Variants in FBXL7 observed in about 807,000 individuals in gnomAD.
FBXL7 encodes the protein F-box/LRR-repeat protein 7.
Under a neutral mutation model 38.3 loss-of-function variants are expected in FBXL7, and 12 were observed. The ratio of observed to expected loss-of-function variants is 0.31; its 90% CI spans 0.20 to 0.51. FBXL7 has a LOEUF of 0.51. Ranked by LOEUF, FBXL7 falls within the 20% of genes least tolerant of loss-of-function variation. The probability of loss-of-function intolerance (pLI) is 0.98; values close to 1 mark genes in which losing one functional copy is unlikely to be tolerated. For synonymous variants in FBXL7, 297 were observed against 300.9 expected (o/e 0.99, Z 0.13); for missense variants, 567 against 676.4 (o/e 0.84, Z 1.79).
At chr5:15,638,091 C>T (rs1470266587) in intron 2 of FBXL7, among the ~76,000 whole-genome samples, 1 of 152,190 alleles carries the variant, frequency 6.6e-6, no homozygotes, top group Non-Finnish European at 1.5e-5. Flanking sequence ...GCCAATGTCA[C>T]CACCCCCCAG....
intron 2 of FBXL7, among the ~76,000 whole-genome samples, chr5:15,680,850 G>A (rs1561082916): frequency 2.0e-5 from 3 of 152,140 alleles, no homozygotes; most frequent in African/African-American, 7.2e-5. Flanking sequence ...TTCCATGTGG[G>A]TTATGGCTTT....
chr5:15,507,736 G>A (rs1023386693), intron 1 of FBXL7, among the ~76,000 whole-genome samples: 1 of 152,092 alleles, frequency 6.6e-6, no homozygotes, highest in Non-Finnish European at 1.5e-5. Flanking sequence ...ACAGGCTTAT[G>A]TCCCAATAAA....
At chr5:15,784,277 GTCC>G (rs1737077263) in intron 2 of FBXL7, among the ~76,000 whole-genome samples, 1 of 151,996 alleles carries the variant, frequency 6.6e-6, no homozygotes, top group South Asian at 2.1e-4. Context: ...AGCCCTGTAG[GTCC>G]TCTTCAGGTT....
chr5:15,555,667 C>T (rs1449408129), intron 1 of FBXL7, among the ~76,000 whole-genome samples: 2 of 152,016 alleles, frequency 1.3e-5, no homozygotes, highest in Non-Finnish European at 2.9e-5. Context: ...AAACCCTGCA[C>T]CTCCATTCTC....
chr5:15,544,339 T>C (rs1737840675), intron 1 of FBXL7, among the ~76,000 whole-genome samples: 1 of 152,218 alleles, frequency 6.6e-6, no homozygotes, highest in Non-Finnish European at 1.5e-5. Flanking sequence ...TTCTCCCTTG[T>C]TTCAGTACGT....
At chr5:15,591,229 A>T (rs1410783465) in intron 1 of FBXL7, among the ~76,000 whole-genome samples, 1 of 152,008 alleles carries the variant, frequency 6.6e-6, no homozygotes, top group African/African-American at 2.4e-5. Context: ...GGAGATGGAG[A>T]CCATCCTGGC....
chr5:15,862,290 G>A (rs1739510112), intron 2 of FBXL7, among the ~76,000 whole-genome samples: 1 of 152,102 alleles, frequency 6.6e-6, no homozygotes, highest in Non-Finnish European at 1.5e-5. Flanking sequence ...TTCTTCTCTT[G>A]TCTGCCACCA....
chr5:15,864,974 G>T (rs1739642725), intron 2 of FBXL7, among the ~76,000 whole-genome samples: 1 of 152,208 alleles, frequency 6.6e-6, no homozygotes, highest in African/African-American at 2.4e-5. Context: ...CAGACATTCT[G>T]TGAATGATCT....
intron 2 of FBXL7, among the ~76,000 whole-genome samples, chr5:15,768,214 T>C (rs181439902): frequency 3.5e-4 from 54 of 152,206 alleles, no homozygotes; most frequent in African/African-American, 1.3e-3. Flanking sequence ...TAAAGGCAGG[T>C]AGATACCTAT....
At chr5:15,732,137 T>G (rs1735605259) in intron 2 of FBXL7, among the ~76,000 whole-genome samples, 1 of 152,242 alleles carries the variant, frequency 6.6e-6, no homozygotes, top group Non-Finnish European at 1.5e-5. Context: ...TATTTAAAGG[T>G]TAGTTCTGGC....
At chr5:15,853,814 A>G (rs1739173016) in intron 2 of FBXL7, among the ~76,000 whole-genome samples, 1 of 152,192 alleles carries the variant, frequency 6.6e-6, no homozygotes, top group South Asian at 2.1e-4. Context: ...AATTTTCCTT[A>G]TGGTGATGGT....
chr5:15,721,024 A>G (rs957334673), intron 2 of FBXL7, among the ~76,000 whole-genome samples: 1 of 152,110 alleles, frequency 6.6e-6, no homozygotes, highest in African/African-American at 2.4e-5. Flanking sequence ...ATTCTGGAAT[A>G]TTTTACTCTT....
At chr5:15,547,772 C>T (rs1271341905) in intron 1 of FBXL7, among the ~76,000 whole-genome samples, 1 of 152,166 alleles carries the variant, frequency 6.6e-6, no homozygotes, top group Admixed American at 6.5e-5. Context: ...GCCAGTCCCT[C>T]CTTGCCTCAG....
intron 2 of FBXL7, among the ~76,000 whole-genome samples, chr5:15,887,606 T>G (rs1200857968): frequency 6.6e-6 from 1 of 152,158 alleles, no homozygotes; most frequent in Non-Finnish European, 1.5e-5. Context: ...CTTCTAAGCT[T>G]TGTTAAGGTG....
intron 2 of FBXL7, among the ~76,000 whole-genome samples, chr5:15,689,492 TG>T (rs1339095962): frequency 4.6e-5 from 7 of 152,316 alleles, no homozygotes; most frequent in Admixed American, 2.0e-4. Flanking sequence ...GTACACATTT[TG>T]TTTCAGGCAC....
intron 1 of FBXL7, among the ~76,000 whole-genome samples, chr5:15,534,036 T>C (rs1737510053): frequency 6.6e-6 from 1 of 152,180 alleles, no homozygotes; most frequent in South Asian, 2.1e-4. Flanking sequence ...AGAGCAGTTT[T>C]AGGTTAACAG....
chr5:15,557,229 C>T lies in FBXL7; in HGVS notation c.37+56516C>T, dbSNP rs561769339. On this transcript the variant is annotated intron_variant, in intron 1 of 3. Coordinates refer to ENST00000504595, the MANE Select transcript of FBXL7 (RefSeq NM_012304.5). ...CTGGGATTACAGGCGTGAGCCACTG[C>T]GCCCGGCGGAGCCAGATTGTTAATT... Among the ~76,000 whole-genome samples, 16 of 152,322 alleles carry T rather than the reference C, an allele frequency of 1.1e-4. No individual in the cohort carries two copies. The East Asian group carries it at 2.7e-3, about 26-fold the overall frequency.
intron 2 of FBXL7, among the ~76,000 whole-genome samples, chr5:15,797,319 C>T (rs907233701): frequency 1.3e-5 from 2 of 152,198 alleles, no homozygotes; most frequent in African/African-American, 2.4e-5. Flanking sequence ...GTAGGACCCT[C>T]CCAGAGGAAC....
At chr5:15,634,546 C>CCTGA (rs1741119738) in intron 2 of FBXL7, among the ~76,000 whole-genome samples, 1 of 151,836 alleles carries the variant, frequency 6.6e-6, no homozygotes, top group African/African-American at 2.4e-5. Flanking sequence ...GTGTCGAACT[C>CCTGA]CTGACCTCAA....
Sources: gnomAD v4.1 joint callset for allele counts (sites outside exome capture counted in the v4.1 genomes callset) on GRCh38, gnomAD v4.1.1 for gene constraint, MANE v1.5 for transcripts, NCBI Gene and HGNC (gene_info 2026-07-23, HGNC 2026-07-21) for gene names.